The following OPCML variants were observed in gnomAD, a reference collection of about 807,000 sequenced individuals.
OPCML encodes opioid binding protein/cell adhesion molecule like, also known as opioid-binding protein/cell adhesion molecule.
Under a neutral mutation model 37.8 loss-of-function variants are expected in OPCML, and 13 were observed. The ratio of observed to expected loss-of-function variants is 0.34; its 90% CI spans 0.22 to 0.55. The LOEUF (loss-of-function observed/expected upper bound fraction) is 0.55. Ranked by LOEUF, OPCML falls within the 20% of genes least tolerant of loss-of-function variation. The pLI is 0.91. For missense variants in OPCML, 341 were observed against 435.6 expected (o/e 0.78, Z 1.93); for synonymous variants, 176 against 168.8 (o/e 1.04, Z -0.33).
intron 1 of OPCML, among the ~76,000 whole-genome samples, chr11:133,121,373 C>T (rs527399341): frequency 6.6e-6 from 1 of 152,224 alleles, no homozygotes; most frequent in Admixed American, 6.5e-5. Flanking sequence ...ACTCACCTAT[C>T]TCCTTAGTGA....
intron 1 of OPCML, among the ~76,000 whole-genome samples, chr11:133,484,021 A>G (rs1039555439): frequency 3.4e-5 from 5 of 146,722 alleles, no homozygotes; most frequent in Admixed American, 2.1e-4. Context: ...AGACAAATAG[A>G]TGGACAGATT....
At chr11:133,050,841 T>A (rs1245542241) in intron 1 of OPCML, among the ~76,000 whole-genome samples, 1 of 152,106 alleles carries the variant, frequency 6.6e-6, no homozygotes, top group Non-Finnish European at 1.5e-5. Context: ...GAAATATTAA[T>A]GCTCTCATTA....
intron 1 of OPCML, among the ~76,000 whole-genome samples, chr11:133,187,970 G>A (rs754149425): frequency 3.9e-5 from 6 of 152,174 alleles, no homozygotes; most frequent in Non-Finnish European, 8.8e-5. Flanking sequence ...CTCCTGGTGC[G>A]TGATGCTGTC....
intron 1 of OPCML, among the ~76,000 whole-genome samples, chr11:133,432,211 G>A (rs1003694764): frequency 6.6e-6 from 1 of 152,082 alleles, no homozygotes; most frequent in Non-Finnish European, 1.5e-5. Context: ...ATTTACCCAC[G>A]TAACACTCTG....
At chr11:132,955,498 G>T (rs1003052710) in intron 1 of OPCML, among the ~76,000 whole-genome samples, 1 of 151,408 alleles carries the variant, frequency 6.6e-6, no homozygotes, top group African/African-American at 2.4e-5. Context: ...ATGTAATCCT[G>T]TTAACACCTC....
chr11:133,004,648 G>A, intron 1 of OPCML: 1 of 985,480 alleles, frequency 1.0e-6, no homozygotes, highest in Non-Finnish European at 1.2e-6. Flanking sequence ...AGCTGCTCGG[G>A]AGGCCAGCTG....
At chr11:132,895,877 A>C (rs924304940) in intron 2 of OPCML, among the ~76,000 whole-genome samples, 3 of 152,078 alleles carry the variant, frequency 2.0e-5, no homozygotes, top group African/African-American at 4.8e-5. Context: ...GGTGAGGTTC[A>C]AAGTGTGATT....
chr11:133,262,644 G>A (rs765289134), intron 1 of OPCML, among the ~76,000 whole-genome samples: 6 of 152,166 alleles, frequency 3.9e-5, no homozygotes, highest in Admixed American at 2.0e-4. Context: ...CTTTGCCAAC[G>A]CTATGAATAT....
intron 3 of OPCML, among the ~76,000 whole-genome samples, chr11:132,533,172 G>C (rs1466778236): frequency 6.6e-6 from 1 of 152,194 alleles, no homozygotes; most frequent in African/African-American, 2.4e-5. Flanking sequence ...TATCTGTGCA[G>C]ACGCTATTGA....
At chr11:133,102,760 A>G (rs986446803) in intron 1 of OPCML, among the ~76,000 whole-genome samples, 1 of 152,132 alleles carries the variant, frequency 6.6e-6, no homozygotes, top group African/African-American at 2.4e-5. Context: ...AAAAACACAA[A>G]AACAAAACAA....
intron 2 of OPCML, among the ~76,000 whole-genome samples, chr11:132,762,913 T>G (rs1946314031): frequency 6.6e-6 from 1 of 152,078 alleles, no homozygotes; most frequent in Non-Finnish European, 1.5e-5. Flanking sequence ...GCCGCCCAGT[T>G]TTGTCCTTGA....
At chr11:132,421,995 CAT>C (rs1156667078) in intron 7 of OPCML, among the ~76,000 whole-genome samples, 3 of 151,886 alleles carry the variant, frequency 2.0e-5, no homozygotes, top group African/African-American at 4.8e-5. Flanking sequence ...TTTAAAGAAA[CAT>C]ATGGGCAGAT....
At chr11:133,420,714 G>A (rs1416930196) in intron 1 of OPCML, 3 of 985,258 alleles carry the variant, frequency 3.0e-6, no homozygotes, top group Non-Finnish European at 3.6e-6. Context: ...TTGTCCAGTG[G>A]CATGTCAAGG....
intron 1 of OPCML, chr11:133,024,833 TGA>T (rs1304826110): frequency 1.0e-6 from 1 of 985,272 alleles, no homozygotes; most frequent in Non-Finnish European, 1.2e-6. Flanking sequence ...GGTGACCTGG[TGA>T]GGGAAAGGAC....
At chr11:133,278,755 G>C (rs1213530563) in intron 1 of OPCML, among the ~76,000 whole-genome samples, 1 of 151,840 alleles carries the variant, frequency 6.6e-6, no homozygotes, top group Non-Finnish European at 1.5e-5. Context: ...AAAAAAATCT[G>C]TCAGCCACCT....
At chr11:133,384,759 C>T (rs930452552) in intron 1 of OPCML, among the ~76,000 whole-genome samples, 13 of 152,182 alleles carry the variant, frequency 8.5e-5, no homozygotes, top group Non-Finnish European at 1.8e-4. Context: ...TCAGTCCACC[C>T]GCTCTTGCCA....
chr11:132,876,343 C>T (rs1312785011), intron 2 of OPCML, among the ~76,000 whole-genome samples: 1 of 152,184 alleles, frequency 6.6e-6, no homozygotes, highest in Non-Finnish European at 1.5e-5. Flanking sequence ...CTCCTGAGAG[C>T]AAACCCTTTA....
intron 3 of OPCML, among the ~76,000 whole-genome samples, chr11:132,595,049 C>A (rs912070448): frequency 3.3e-5 from 5 of 152,112 alleles, no homozygotes; most frequent in Non-Finnish European, 5.9e-5. Flanking sequence ...GTATTATTTT[C>A]AATGTATGTA....
intron 2 of OPCML, among the ~76,000 whole-genome samples, chr11:132,936,679 C>T (rs1213682633): frequency 6.6e-6 from 1 of 152,120 alleles, no homozygotes; most frequent in East Asian, 1.9e-4. Flanking sequence ...CTAGGCAGTG[C>T]TGAGCAGCCT....
Sources: allele counts gnomAD v4.1 joint callset (sites outside exome capture counted in the v4.1 genomes callset), GRCh38; gene constraint gnomAD v4.1.1; transcripts MANE v1.5; gene names NCBI Gene and HGNC (gene_info 2026-07-23, HGNC 2026-07-21).